The following TMIGD1 variants were observed in gnomAD, a reference collection of about 807,000 sequenced individuals.
TMIGD1 encodes the protein transmembrane and immunoglobulin domain-containing protein 1.
TMIGD1 carries 29 observed loss-of-function variants against 27.5 expected under a neutral mutation model. That is an observed-to-expected ratio of 1.05 (90% CI 0.78 to 1.44). The LOEUF (loss-of-function observed/expected upper bound fraction) is 1.44, where lower values mean the gene tolerates loss of function less well. Among genes scored for constraint, TMIGD1 ranks in the 40% most tolerant of loss-of-function variants. TMIGD1 has a pLI of 0.00. For synonymous variants in TMIGD1, 109 were observed against 110.3 expected (o/e 0.99, Z 0.07); for missense variants, 334 against 310.6 (o/e 1.08, Z -0.57).
intron 5 of TMIGD1, among the ~76,000 whole-genome samples, chr17:30,318,097 CAGAA>C (rs907026542): frequency 3.3e-5 from 5 of 151,658 alleles, no homozygotes; most frequent in South Asian, 2.1e-4. Flanking sequence ...GAAAGGAAGA[CAGAA>C]AGAAAGAAAG....
At chr17:30,316,866 G>T (rs1028616953) in intron 6 of TMIGD1, 176 bp from the exon 7 acceptor site, 5 of 671,680 alleles carry the variant, frequency 7.4e-6, no homozygotes, top group Admixed American at 2.6e-5. Flanking sequence ...GGATGAATGT[G>T]GTTCCTGGCC....
At position 30,333,273 on chromosome 17, in the gene TMIGD1, C is replaced by CAA. The variant is rs1258253575; in HGVS notation, c.-26+725_-26+726dup. Reference sequence around the variant, plus strand: ...TGAAACCCCATCTCTACTAAAAATGCAAAAAAAAAAAAAAAAAATTAGCCA... The same window carrying CAA: ...TGAAACCCCATCTCTACTAAAAATGCAAAAAAAAAAAAAAAAAAAATTAGCCA... On this transcript the variant is annotated intron_variant, in intron 1 of 6. Coordinates refer to ENST00000328886, the MANE Select transcript of TMIGD1 (RefSeq NM_206832.3). Among the ~76,000 whole-genome samples the CAA allele has an allele frequency of 8.2e-3, 765 of 93,548 alleles. 3 individuals are homozygous for CAA. Among genetic ancestry groups the CAA allele is most frequent in the African/African-American group, 0.019 (487 of 25,318 alleles). The allele number at this position is 93,548 out of a possible 152,430, so 61.4% of individuals were successfully genotyped here.
At chr17:30,324,772 G>A (rs1263079817) in intron 4 of TMIGD1, 44 bp downstream of exon 4, 10 of 1,580,652 alleles carry the variant, frequency 6.3e-6, no homozygotes, top group East Asian at 2.3e-5. Flanking sequence ...AGCATCTGGT[G>A]TGAGTTTTGC....
chr17:30,325,077 C>A lies in TMIGD1; in HGVS notation c.379G>T (p.Gly127Ter), dbSNP rs981108526. 4 of 1,611,852 alleles carry A rather than the reference C, an allele frequency of 2.5e-6. No homozygotes were observed. The highest frequency in any genetic ancestry group is 3.3e-5 in the Admixed American group (2 of 59,834). ...TCCTCAACTGTTTGGAAGTCGTTTC[C>A]ACTTAGGAGAGGAGGAACTGCAAGA... ...LNVTFPPLLS[G>*]NDFQTVEEGS... Residue 127 changes from glycine to a stop codon, truncating the protein, a stop_gained, in exon 4 of 7, where the codon GGA becomes TGA. Coordinates refer to ENST00000328886, the MANE Select transcript of TMIGD1 (RefSeq NM_206832.3). LOFTEE classifies it high-confidence loss of function.
At chr17:30,332,302 C>T (rs1910007277) in intron 1 of TMIGD1, 144 bp from the exon 2 acceptor site, 2 of 531,496 alleles carry the variant, frequency 3.8e-6, no homozygotes, top group Non-Finnish European at 6.7e-6. Context: ...TTTAATTAAA[C>T]AACCCTGTCT....
At chr17:30,326,793 G>A (rs1363057729) in intron 3 of TMIGD1, among the ~76,000 whole-genome samples, 2 of 152,162 alleles carry the variant, frequency 1.3e-5, no homozygotes, top group Non-Finnish European at 2.9e-5. Context: ...ATTTTGATAA[G>A]TATTTTGAAA....
chr17:30,333,370 G>A (rs1043171669), intron 1 of TMIGD1, among the ~76,000 whole-genome samples: 2 of 152,014 alleles, frequency 1.3e-5, no homozygotes, highest in African/African-American at 4.8e-5. Context: ...GAACCTGGGA[G>A]GTGGAGGTTG....
chr17:30,325,340 A>G (rs1446689588), intron 3 of TMIGD1, among the ~76,000 whole-genome samples: 3 of 152,224 alleles, frequency 2.0e-5, no homozygotes, highest in Non-Finnish European at 4.4e-5. Context: ...TGAGCATGAT[A>G]TATATAGTAA....
chr17:30,317,131 TGCA>T, intron 6 of TMIGD1, 59 bp downstream of exon 6: 2 of 1,548,292 alleles, frequency 1.3e-6, no homozygotes, highest in Non-Finnish European at 1.8e-6. Context: ...TCTAGAGTGA[TGCA>T]TATCACTGCT....
At chr17:30,325,125 G>T in intron 3 of TMIGD1, 31 bp from the exon 4 acceptor site, 1 of 1,583,782 alleles carries the variant, frequency 6.3e-7, no homozygotes, top group Non-Finnish European at 8.6e-7. Context: ...GATTTAATTA[G>T]CAGATAAGCA....
intron 5 of TMIGD1, among the ~76,000 whole-genome samples, chr17:30,318,161 G>A (rs1909482728): frequency 6.6e-6 from 1 of 152,142 alleles, no homozygotes; most frequent in African/African-American, 2.4e-5. Context: ...ATAGGGGGTG[G>A]AGTGAATTTC....
intron 4 of TMIGD1, among the ~76,000 whole-genome samples, chr17:30,321,144 C>T (rs1346544613): frequency 1.3e-5 from 2 of 151,778 alleles, no homozygotes; most frequent in Non-Finnish European, 1.5e-5. Flanking sequence ...AGGTGTGAGC[C>T]ACCATGCCTG....
chr17:30,327,248 C>A (rs187266658), intron 3 of TMIGD1, among the ~76,000 whole-genome samples: 2 of 152,296 alleles, frequency 1.3e-5, no homozygotes, highest in African/African-American at 4.8e-5. Flanking sequence ...AAAACCCCGT[C>A]TCTACAAAAA....
chr17:30,319,242 A>G (rs1909525986), intron 4 of TMIGD1, among the ~76,000 whole-genome samples: 1 of 91,802 alleles, frequency 1.1e-5, no homozygotes, highest in Non-Finnish European at 2.0e-5. Context: ...CATCTGTAAA[A>G]AAAAAAGAAA....
At chr17:30,325,208 T>C in intron 3 of TMIGD1, 114 bp from the exon 4 acceptor site, 6 of 1,142,764 alleles carry the variant, frequency 5.3e-6, no homozygotes, top group Non-Finnish European at 7.4e-6. Context: ...TGACAAAAAT[T>C]TATTAAATAC....
At chr17:30,324,303 G>C (rs889471748) in intron 4 of TMIGD1, among the ~76,000 whole-genome samples, 1 of 151,974 alleles carries the variant, frequency 6.6e-6, no homozygotes, top group Admixed American at 6.6e-5. Flanking sequence ...GATAACCCTG[G>C]GTAGATGAAG....
intron 4 of TMIGD1, among the ~76,000 whole-genome samples, chr17:30,319,261 A>T (rs183734747): frequency 0.046 from 3,164 of 69,198 alleles, 245 homozygotes; most frequent in Middle Eastern, 0.12. Context: ...AAAAAAAAAA[A>T]ATATATATAT....
intron 2 of TMIGD1, among the ~76,000 whole-genome samples, chr17:30,330,831 C>G (rs1456576159): frequency 2.0e-5 from 3 of 152,198 alleles, no homozygotes; most frequent in African/African-American, 7.2e-5. Context: ...AGAACTTTAT[C>G]TGTCATAAAC....
intron 4 of TMIGD1, among the ~76,000 whole-genome samples, chr17:30,321,032 A>C (rs1909602976): frequency 6.6e-6 from 1 of 151,926 alleles, no homozygotes; most frequent in African/African-American, 2.4e-5. Context: ...TAATTTTTGT[A>C]TTTTAGGTAG....
Sources: allele counts gnomAD v4.1 joint callset (sites outside exome capture counted in the v4.1 genomes callset), GRCh38; gene constraint gnomAD v4.1.1; transcripts MANE v1.5; gene names NCBI Gene and HGNC (gene_info 2026-07-23, HGNC 2026-07-21).